The following KAT6A variants were observed in gnomAD, a reference collection of about 807,000 sequenced individuals.
The protein encoded by KAT6A is lysine acetyltransferase 6A.
Under a neutral mutation model 198.4 loss-of-function variants are expected in KAT6A, and 9 were observed. The observed-to-expected ratio is 0.05, with a 90% confidence interval of 0.03 to 0.08. The LOEUF (loss-of-function observed/expected upper bound fraction) is 0.08. Among genes scored for constraint, KAT6A ranks in the 10% least tolerant of loss-of-function variants. KAT6A has a pLI of 1.00. For missense variants in KAT6A, 2,077 were observed against 2,509.9 expected (o/e 0.83, Z 3.69); for synonymous variants, 890 against 883.0 (o/e 1.01, Z -0.14).
At chr8:42,021,285 T>G (rs1021176025) in intron 2 of KAT6A, among the ~76,000 whole-genome samples, 5 of 152,162 alleles carry the variant, frequency 3.3e-5, no homozygotes, top group African/African-American at 2.4e-5. Context: ...GATGGCAATA[T>G]TTTGTGAGTT....
chr8:41,965,837 T>C (rs943911565), intron 8 of KAT6A, among the ~76,000 whole-genome samples: 1 of 152,146 alleles, frequency 6.6e-6, no homozygotes, highest in African/African-American at 2.4e-5. Flanking sequence ...GACATCTTTT[T>C]GCTGTTAAGT....
chr8:42,013,338 C>T (rs980602513), intron 2 of KAT6A, among the ~76,000 whole-genome samples: 1 of 151,306 alleles, frequency 6.6e-6, no homozygotes, highest in Non-Finnish European at 1.5e-5. Context: ...TCACTGCAAC[C>T]TCCGCCTCCC....
chr8:41,958,798 C>T (rs1267963834), intron 8 of KAT6A, among the ~76,000 whole-genome samples: 1 of 152,192 alleles, frequency 6.6e-6, no homozygotes, highest in East Asian at 1.9e-4. Flanking sequence ...TACAAATAGT[C>T]TCACATCAGC....
rs563126698 is a variant in KAT6A at position 41,934,247 on chromosome 8, C to T, written c.3973G>A (p.Glu1325Lys). The change falls in exon 17 of 17, where the codon GAG becomes AAG. Residue 1325 changes from glutamate (E) to lysine (K), a missense_variant. This residue lies in a region of KAT6A where 375 missense variants were observed against 383.0 expected (regional missense o/e 0.98). Coordinates refer to ENST00000265713, the MANE Select transcript of KAT6A (RefSeq NM_006766.5). ...DADDEDDGHL[E>K]STKKKELEEQ... Reference sequence around the variant, plus strand: ...TCTAGCTCCTTTTTCTTTGTGGACTCCAGGTGGCCATCATCCTCATCATCA... The same window carrying T: ...TCTAGCTCCTTTTTCTTTGTGGACTTCAGGTGGCCATCATCCTCATCATCA... 3 of 1,614,126 alleles carry T rather than the reference C, an allele frequency of 1.9e-6. No homozygotes were observed. In the East Asian group the frequency reaches 6.7e-5, roughly 36 times the overall value.
At chr8:42,015,328 G>C (rs1826221471) in intron 2 of KAT6A, among the ~76,000 whole-genome samples, 1 of 152,174 alleles carries the variant, frequency 6.6e-6, no homozygotes, top group South Asian at 2.1e-4. Flanking sequence ...GAAGCCAAGA[G>C]GACAGACAGA....
At position 41,930,025 on chromosome 8, in the gene KAT6A, G is replaced by A. The variant is rs551778037; in HGVS notation, c.*2180C>T. On this transcript the variant is annotated 3_prime_UTR_variant, in exon 17 of 17. Coordinates refer to ENST00000265713, the MANE Select transcript of KAT6A (RefSeq NM_006766.5). ...TGACAGGTACCAATATTACTGTGTT[G>A]GATAATTTCTTTTATAATATAGAAA... 1 of 224,058 alleles carries A rather than the reference G, an allele frequency of 4.5e-6. No individual in the cohort carries two copies. Among genetic ancestry groups the A allele is most frequent in the African/African-American group, 2.2e-5 (1 of 44,886 alleles). The allele number at this position is 224,058 out of a possible 1,614,324, so 13.9% of individuals were successfully genotyped here.
chr8:42,001,585 T>G (rs1825495752), intron 2 of KAT6A, among the ~76,000 whole-genome samples: 1 of 152,184 alleles, frequency 6.6e-6, no homozygotes, highest in South Asian at 2.1e-4. Context: ...TTCAGTAATT[T>G]TTTAAAAGGC....
intron 2 of KAT6A, among the ~76,000 whole-genome samples, chr8:41,991,734 A>G (rs1290769087): frequency 1.3e-5 from 2 of 152,192 alleles, no homozygotes; most frequent in Admixed American, 1.3e-4. Flanking sequence ...CAGGCTGAAG[A>G]TGGACTGAAA....
intron 10 of KAT6A, among the ~76,000 whole-genome samples, chr8:41,948,245 G>A (rs191134705): frequency 2.5e-4 from 38 of 152,290 alleles, no homozygotes; most frequent in Middle Eastern, 3.4e-3. Flanking sequence ...CGTTTTCAAA[G>A]TACTTAACAC....
intron 2 of KAT6A, among the ~76,000 whole-genome samples, chr8:42,027,796 A>C (rs181619269): frequency 0.014 from 2,042 of 151,006 alleles, 42 homozygotes; most frequent in African/African-American, 0.047. Context: ...TGCCTTTATT[A>C]TTTCTTTCTT....
In KAT6A at chr8:42,010,220, G is replaced by A. The variant is rs545352911; in HGVS notation, c.601-22657C>T. On this transcript the variant is annotated intron_variant, in intron 2 of 16. Coordinates refer to ENST00000265713, the MANE Select transcript of KAT6A (RefSeq NM_006766.5). Reference sequence around the variant, plus strand: ...CTCTGGAGGCTGAGGCAAGAGAATCGCTTGAACCCAGGAGGCAGAGGTTGC... The same window carrying A: ...CTCTGGAGGCTGAGGCAAGAGAATCACTTGAACCCAGGAGGCAGAGGTTGC... Among the ~76,000 whole-genome samples, 119 of 152,156 alleles carry A rather than the reference G, an allele frequency of 7.8e-4. 1 individual carries two copies. Among genetic ancestry groups the A allele is most frequent in the African/African-American group, 2.7e-3 (112 of 41,508 alleles).
chr8:42,032,296 C>CA (rs773825008), intron 2 of KAT6A, among the ~76,000 whole-genome samples: 1 of 152,072 alleles, frequency 6.6e-6, no homozygotes, highest in Non-Finnish European at 1.5e-5. Flanking sequence ...TAAAACTTGG[C>CA]AATCATAGCA....
intron 14 of KAT6A, among the ~76,000 whole-genome samples, chr8:41,941,724 C>A (rs1371299740): frequency 6.6e-6 from 1 of 152,116 alleles, no homozygotes; most frequent in Non-Finnish European, 1.5e-5. Context: ...AGTAATCTGC[C>A]CCAGGTCACG....
At chr8:42,015,187 G>C (rs1826214553) in intron 2 of KAT6A, among the ~76,000 whole-genome samples, 2 of 152,192 alleles carry the variant, frequency 1.3e-5, no homozygotes, top group Admixed American at 1.3e-4. Flanking sequence ...TGTCCAATGT[G>C]GTCTCATGCC....
In KAT6A at chr8:41,981,881, C is replaced by T. The variant is rs2150889860; in HGVS notation, c.783G>A (p.Glu261=). The T allele has an allele frequency of 6.2e-7, 1 of 1,614,034 alleles. No homozygotes were observed. The highest frequency in any genetic ancestry group is 1.6e-4 in the Middle Eastern group (1 of 6,062). ...CTCGACAGGAGCTGCATGTTTTACACTCGATGCACTGCCACCGTAAGGCCT... is the reference window on the plus strand; with the variant it reads ...CTCGACAGGAGCTGCATGTTTTACATTCGATGCACTGCCACCGTAAGGCCT... ...RVKALRWQCI[E]CKTCSSCRDQ... The change falls in exon 4 of 17, where the codon GAG becomes GAA. Residue 261 remains glutamate (E), a synonymous_variant. Coordinates refer to ENST00000265713, the MANE Select transcript of KAT6A (RefSeq NM_006766.5).
chr8:41,981,259 A>T (rs1052420498), intron 4 of KAT6A, among the ~76,000 whole-genome samples: 1 of 152,232 alleles, frequency 6.6e-6, no homozygotes, highest in Non-Finnish European at 1.5e-5. Flanking sequence ...CAGAGGTTGC[A>T]GTGAGCCAAG....
chr8:42,010,376 C>A (rs977320608), intron 2 of KAT6A, among the ~76,000 whole-genome samples: 72 of 152,280 alleles, frequency 4.7e-4, no homozygotes, highest in African/African-American at 1.6e-3. Flanking sequence ...TGTATCAGAG[C>A]ACAGAACTAG....
intron 2 of KAT6A, among the ~76,000 whole-genome samples, chr8:42,047,657 T>C (rs566984911): frequency 2.6e-5 from 4 of 152,134 alleles, no homozygotes; most frequent in Non-Finnish European, 4.4e-5. Context: ...GACATCCTCC[T>C]GTCCCAGCCT....
chr8:42,009,248 G>A lies in KAT6A; in HGVS notation c.601-21685C>T, dbSNP rs118069714. ...AACAGTAACTAGATCTGCAGAACTT[G>A]AATAAAAGAACAGGAACCATAAAGT... On this transcript the variant is annotated intron_variant, in intron 2 of 16. Transcript: ENST00000265713. Among the ~76,000 whole-genome samples the A allele has an allele frequency of 6.2e-3, 950 of 152,152 alleles. 17 individuals are homozygous for A. The highest frequency in any genetic ancestry group is 0.014 in the East Asian group (74 of 5,192).
Sources: allele counts gnomAD v4.1 joint callset (sites outside exome capture counted in the v4.1 genomes callset), GRCh38; gene constraint gnomAD v4.1.1; regional missense constraint gnomAD v4.1.1; transcripts MANE v1.5; gene names NCBI Gene and HGNC (gene_info 2026-07-23, HGNC 2026-07-21).